The following SH3BP4 variants were observed in gnomAD, a reference collection of about 807,000 sequenced individuals.
SH3BP4 encodes the protein SH3 domain binding protein 4, also known as SH3 domain-binding protein 4.
In SH3BP4, 33 loss-of-function variants were observed where a neutral mutation model predicts 65.5. The observed-to-expected ratio is 0.50, with a 90% confidence interval of 0.38 to 0.67. The LOEUF (loss-of-function observed/expected upper bound fraction) is 0.67, where lower values mean the gene tolerates loss of function less well. Among genes scored for constraint, SH3BP4 ranks in the 30% least tolerant of loss-of-function variants. SH3BP4 has a pLI of 0.00. For missense variants in SH3BP4, 1,134 were observed against 1,261.4 expected (o/e 0.90, Z 1.53); for synonymous variants, 552 against 545.5 (o/e 1.01, Z -0.17).
rs1403120663 is a variant in SH3BP4, at chr2:235,035,540, C to T, written c.118+420C>T. On this transcript the variant is annotated intron_variant, in intron 3 of 5. Transcript: ENST00000392011. This position sits in a 1 kb window ranked among gnomAD's most constrained non-coding sequence, Gnocchi z 5.0. ...TGGGAAATATTTGAAGCTTTGCAGGCCGTATACCATCTCTGTCACAACTAT... is the reference window on the plus strand; with the variant it reads ...TGGGAAATATTTGAAGCTTTGCAGGTCGTATACCATCTCTGTCACAACTAT... Among the ~76,000 whole-genome samples the T allele has an allele frequency of 6.6e-6, 1 of 152,164 alleles. No individual in the cohort carries two copies. Among genetic ancestry groups the T allele is most frequent in the Non-Finnish European group, 1.5e-5 (1 of 68,036 alleles).
At chr2:235,048,502 TTTTTTTTTTTGTC>T (rs1695948235) in intron 4 of SH3BP4, among the ~76,000 whole-genome samples, 1 of 151,718 alleles carries the variant, frequency 6.6e-6, no homozygotes, top group Non-Finnish European at 1.5e-5. Context: ...AGCTAATTTT[TTTTTTTTTTTGTC>T]TGTAGTAGAG....
intron 1 of SH3BP4, among the ~76,000 whole-genome samples, chr2:234,958,444 G>A (rs1692635916): frequency 1.3e-5 from 2 of 152,056 alleles, no homozygotes; most frequent in African/African-American, 4.8e-5. Flanking sequence ...TCTGGGGAAG[G>A]GTCTGTCCTG....
Position 235,030,365 on chromosome 2 carries a change from A to G in SH3BP4, c.-132-4506A>G, listed in dbSNP as rs1695144232. 6.6e-6 allele frequency among the ~76,000 whole-genome samples: 1 copy of G among 152,140 alleles called. No homozygotes were observed. The highest frequency in any genetic ancestry group is 1.5e-5 in the Non-Finnish European group (1 of 68,020). On this transcript the variant is annotated intron_variant, in intron 2 of 5. Coordinates refer to ENST00000392011, the MANE Select transcript of SH3BP4 (RefSeq NM_014521.3). The surrounding 1 kb of genome is among the most constrained non-coding windows in gnomAD (Gnocchi z 4.1). ...TGCGTTACCCTGGGCAAGTTGCTTT[A>G]GTGATCTCTCCAAGCCCGTTTTCAT...
chr2:235,003,261 G>A (rs1694187907), intron 2 of SH3BP4, among the ~76,000 whole-genome samples: 1 of 152,216 alleles, frequency 6.6e-6, no homozygotes, highest in African/African-American at 2.4e-5. Flanking sequence ...TGGAACCAGC[G>A]TGACCGAGGA....
chr2:235,044,659 C>A (rs1559259153), intron 4 of SH3BP4, among the ~76,000 whole-genome samples: 1 of 152,260 alleles, frequency 6.6e-6, no homozygotes, highest in Non-Finnish European at 1.5e-5. Context: ...TGCCACCTCC[C>A]CGGCTCCCCT....
intron 1 of SH3BP4, among the ~76,000 whole-genome samples, chr2:234,982,116 T>C (rs1014194438): frequency 1.3e-5 from 2 of 152,202 alleles, no homozygotes; most frequent in African/African-American, 2.4e-5. Flanking sequence ...TTATTAGTTG[T>C]GCACCTGAAA....
At chr2:235,038,273 A>AT (rs1214470856) in intron 3 of SH3BP4, among the ~76,000 whole-genome samples, 1 of 26,056 alleles carries the variant, frequency 3.8e-5, no homozygotes, top group African/African-American at 4.4e-4. Flanking sequence ...TATTATATAT[A>AT]ATATATATTA....
intron 2 of SH3BP4, among the ~76,000 whole-genome samples, chr2:235,028,617 C>A (rs1695078125): frequency 6.6e-6 from 1 of 152,152 alleles, no homozygotes; most frequent in Non-Finnish European, 1.5e-5. Flanking sequence ...CAGAAAAAGA[C>A]AAACAGATGG....
chr2:235,013,354 T>C (rs1694579682), intron 2 of SH3BP4, among the ~76,000 whole-genome samples: 1 of 152,128 alleles, frequency 6.6e-6, no homozygotes, highest in Non-Finnish European at 1.5e-5. Context: ...CTTCTCCAGT[T>C]GTCTCCGGTG....
At chr2:235,038,373 ATACATATATATATATAT>A (rs1695507528) in intron 3 of SH3BP4, among the ~76,000 whole-genome samples, 13 of 41,976 alleles carry the variant, frequency 3.1e-4, no homozygotes, top group East Asian at 7.8e-4. Flanking sequence ...TATAATATAT[ATACATATATATATATAT>A]ATATATATAT....
chr2:234,969,305 G>A (rs1020255357), intron 1 of SH3BP4, among the ~76,000 whole-genome samples: 13 of 152,260 alleles, frequency 8.5e-5, no homozygotes, highest in Middle Eastern at 3.4e-3. Context: ...TTTGGGGAAC[G>A]GTAGAGTCTG....
intron 1 of SH3BP4, among the ~76,000 whole-genome samples, chr2:234,968,812 T>C (rs1165465216): frequency 6.6e-6 from 1 of 152,248 alleles, no homozygotes; most frequent in Non-Finnish European, 1.5e-5. Flanking sequence ...AGAGAAATCC[T>C]GTGTGTGTGT....
intron 2 of SH3BP4, among the ~76,000 whole-genome samples, chr2:235,027,107 C>G (rs926116013): frequency 2.6e-5 from 4 of 152,234 alleles, no homozygotes; most frequent in Non-Finnish European, 4.4e-5. Flanking sequence ...CTGGGCTGGT[C>G]CTCGCCCTGA....
intron 2 of SH3BP4, among the ~76,000 whole-genome samples, chr2:235,010,840 AG>A (rs1694466185): frequency 7.7e-6 from 1 of 129,932 alleles, no homozygotes; most frequent in Non-Finnish European, 1.7e-5. Context: ...CTCTCCTAGG[AG>A]AACCCTTCCT....
Position 235,041,415 on chromosome 2 carries a change from A to G in SH3BP4, c.646A>G (p.Ile216Val). 2 of 1,614,140 alleles carry G rather than the reference A, an allele frequency of 1.2e-6. No homozygotes were observed. The highest frequency in any genetic ancestry group is 1.7e-6 in the Non-Finnish European group (2 of 1,180,022). The stretch of plus-strand genomic sequence containing the variant: ...AGCCACCACGAATAGCACTGGCAAC[A>G]TCTTCGATGAGCTTCCAGTCACAAA... The part of the protein sequence containing the change: ...SSATTNSTGN[I>V]FDELPVTNGL... The change falls in exon 4 of 6, where the codon ATC (isoleucine) becomes GTC (valine). Residue 216 changes from isoleucine (I) to valine (V), a missense_variant. Ile to Val is a conservative substitution (Grantham distance 29). Transcript: ENST00000392011. The surrounding 1 kb of genome is among the most constrained non-coding windows in gnomAD (Gnocchi z 6.0).
At chr2:235,048,629 C>T (rs1695952529) in intron 4 of SH3BP4, among the ~76,000 whole-genome samples, 1 of 152,180 alleles carries the variant, frequency 6.6e-6, no homozygotes, top group Non-Finnish European at 1.5e-5. Flanking sequence ...GGTGAGCCAC[C>T]ATGGCTGGAC....
chr2:234,985,733 G>T (rs1693531606), intron 1 of SH3BP4, among the ~76,000 whole-genome samples: 4 of 151,802 alleles, frequency 2.6e-5, no homozygotes, highest in Admixed American at 1.3e-4. Context: ...CTCAGGGACT[G>T]TGCGCAGGTG....
Position 235,005,011 on chromosome 2 carries a change from C to A in SH3BP4, c.-133+9635C>A, listed in dbSNP as rs557262979. 7.9e-5 allele frequency among the ~76,000 whole-genome samples: 12 copies of A among 152,332 alleles called. No individual in the cohort carries two copies. In the South Asian group the frequency reaches 2.3e-3, roughly 29 times the overall value. On this transcript the variant is annotated intron_variant, in intron 2 of 5. Transcript: ENST00000392011. ...TTGTTGAACTCACTGTTGGCATGGA[C>A]CAGCAAGGGTCGCTGTCACATAAAG...
intron 3 of SH3BP4, among the ~76,000 whole-genome samples, chr2:235,038,710 G>A (rs1023995450): frequency 1.3e-5 from 2 of 151,888 alleles, no homozygotes; most frequent in Non-Finnish European, 2.9e-5. Context: ...CTTGGAGATA[G>A]GATGCTCTGT....
Sources: gnomAD v4.1 joint callset for allele counts (sites outside exome capture counted in the v4.1 genomes callset) on GRCh38, gnomAD v4.1.1 for gene constraint, Gnocchi (gnomAD v3.1) non-coding constraint, MANE v1.5 for transcripts, NCBI Gene and HGNC (gene_info 2026-07-23, HGNC 2026-07-21) for gene names.